The following NBPF19 variants were observed in gnomAD, a reference collection of about 807,000 sequenced individuals.
The protein encoded by NBPF19 is NBPF member 19, also known as NBPF family member NBPF19.
A neutral mutation model predicts 45.9 loss-of-function variants in NBPF19; 30 were observed. That is an observed-to-expected ratio of 0.65 (90% CI 0.49 to 0.89). The LOEUF is 0.89. Ranked by LOEUF, NBPF19 falls within the 40% of genes least tolerant of loss-of-function variation. NBPF19 has a pLI of 0.00. For missense variants in NBPF19, 495 were observed against 471.8 expected, an observed-to-expected ratio of 1.05 and a Z score of -0.46; for synonymous variants, 183 against 181.2, an observed-to-expected ratio of 1.01 and a Z score of -0.08.
At chr1:149,479,540 G>A (rs2085045761) in intron 4 of NBPF19, among the ~76,000 whole-genome samples, 1 of 148,974 alleles carries the variant, frequency 6.7e-6, no homozygotes, top group East Asian at 2.0e-4. Context: ...AGGGTCTGAA[G>A]CATCCAAATA....
chr1:149,488,348 C>T lies in NBPF19; in HGVS notation c.1213+163C>T, dbSNP rs1450398740. 2.4e-3 allele frequency among the ~76,000 whole-genome samples: 347 copies of T among 141,868 alleles called. 15 individuals are homozygous for T. The highest frequency in any genetic ancestry group is 4.2e-3 in the Non-Finnish European group (274 of 65,696). The allele number at this position is 141,868 out of a possible 152,430, so 93.1% of individuals were successfully genotyped here. On this transcript the variant is annotated intron_variant, in intron 10 of 93. Transcript: ENST00000651566. Reference sequence around the variant, plus strand: ...GAAACTCTAGTTCCACTTGGCAGCCCAGACAAGGGATGGTTCAGTGAGCAA... The same window carrying T: ...GAAACTCTAGTTCCACTTGGCAGCCTAGACAAGGGATGGTTCAGTGAGCAA...
intron 5 of NBPF19, 110 bp downstream of exon 5, chr1:149,480,324 C>A: frequency 1.4e-6 from 1 of 719,908 alleles, no homozygotes; most frequent in East Asian, 2.5e-5. Context: ...ATTCGCTTGG[C>A]CACAGTATGT....
intron 9 of NBPF19, 64 bp from the exon 10 acceptor site, chr1:149,487,949 T>C (rs2085712542): frequency 5.7e-6 from 4 of 707,624 alleles, no homozygotes; most frequent in Non-Finnish European, 1.0e-5. Context: ...CCATGAAATC[T>C]AGCTGGGGCT....
Position 149,486,301 on chromosome 1 carries a change from C to T in NBPF19, c.988+8C>T, listed in dbSNP as rs1226897199. On this transcript the variant is annotated splice_region_variant and intron_variant, in intron 8 of 93. Coordinates refer to ENST00000651566, the MANE Select transcript of NBPF19 (RefSeq NM_001351365.2). The stretch of plus-strand genomic sequence containing the variant: ...TGGCTGTTGACATAGGCAGTGAGTA[C>T]TCCATTGTGAAGGTGATAAAGCTCC... 5.0e-6 allele frequency: 3 copies of T among 594,220 alleles called. No individual in the cohort carries two copies. The highest frequency in any genetic ancestry group is 6.0e-6 in the Non-Finnish European group (2 of 335,496). The allele number at this position is 594,220 out of a possible 1,614,324, so 36.8% of individuals were successfully genotyped here.
At chr1:149,490,995 T>C in intron 13 of NBPF19, 144 bp from the exon 14 acceptor site, 2 of 512,342 alleles carry the variant, frequency 3.9e-6, no homozygotes. Flanking sequence ...TGTCCCAACA[T>C]GAAGGCAATA....
intron 8 of NBPF19, among the ~76,000 whole-genome samples, chr1:149,486,849 T>C (rs1241809904): frequency 6.6e-6 from 1 of 150,548 alleles, no homozygotes; most frequent in Non-Finnish European, 1.5e-5. Flanking sequence ...GATAAATGGC[T>C]GACTTTTCAC....
Position 149,554,606 on chromosome 1 carries a change from C to T in NBPF19, c.11400C>T (p.His3800=). 4 of 1,608,324 alleles carry T rather than the reference C, an allele frequency of 2.5e-6. No homozygotes were observed. The highest frequency in any genetic ancestry group is 2.2e-5 in the East Asian group (1 of 44,848). Reference sequence around the variant, plus strand: ...TTGAACTACCTGACTCATTCCAGCACTACAGAAGTGTGTTTTACTCATTTG... The same window carrying T: ...TTGAACTACCTGACTCATTCCAGCATTACAGAAGTGTGTTTTACTCATTTG... ...MYFELPDSFQ[H]YRSVFYSFEE... The change falls in exon 94 of 94, where the codon CAC becomes CAT. Residue 3800 remains histidine, a synonymous_variant. Coordinates refer to ENST00000651566, the MANE Select transcript of NBPF19 (RefSeq NM_001351365.2).
In NBPF19 at chr1:149,488,088, T is replaced by G; in HGVS notation, c.1116T>G (p.Pro372=). Residue 372 remains proline (P), a synonymous_variant, in exon 10 of 94, where the codon CCT becomes CCG. Coordinates refer to ENST00000651566, the MANE Select transcript of NBPF19 (RefSeq NM_001351365.2). ...CACTGGATAGATGTTATTCAACTCC[T>G]TCAGGTTGTCTTGAACTGACTGACT... is the stretch of plus-strand genomic sequence containing the variant. The part of the protein sequence containing the change: ...QDSLDRCYST[P]SGCLELTDSC... 2.1e-5 allele frequency: 14 copies of G among 666,588 alleles called. No homozygotes were observed. In the South Asian group the frequency reaches 2.3e-4, roughly 11 times the overall value. The allele number at this position is 666,588 out of a possible 1,614,324, so 41.3% of individuals were successfully genotyped here.
At chr1:149,487,275 G>C (rs1416412243) in intron 8 of NBPF19, 57 bp from the exon 9 acceptor site, 8 of 1,275,788 alleles carry the variant, frequency 6.3e-6, no homozygotes, top group Admixed American at 5.0e-5. Context: ...ACAGAGGAAT[G>C]TTTCTGTGTG....
At chr1:149,554,238 G>A (rs1191319898) in intron 93 of NBPF19, among the ~76,000 whole-genome samples, 23 of 151,734 alleles carry the variant, frequency 1.5e-4, no homozygotes, top group African/African-American at 5.3e-4. Flanking sequence ...TTACCAGTAT[G>A]TCACCTGGCC....
chr1:149,486,422 G>A (rs2085501734), intron 8 of NBPF19, 129 bp downstream of exon 8: 1 of 680,974 alleles, frequency 1.5e-6, no homozygotes, highest in East Asian at 2.7e-5. Flanking sequence ...ATATATCAAT[G>A]TAGATTTCAG....
chr1:149,521,119 T>C (rs2086718239), intron 51 of NBPF19, among the ~76,000 whole-genome samples, 200 bp from the exon 52 acceptor site: 4 of 83,880 alleles, frequency 4.8e-5, no homozygotes, highest in Admixed American at 3.8e-4. Context: ...TCTCTCTCTC[T>C]CTCTCTCTGT....
chr1:149,481,131 AG>A (rs2085150347), intron 6 of NBPF19, among the ~76,000 whole-genome samples: 1 of 135,404 alleles, frequency 7.4e-6, no homozygotes, highest in Non-Finnish European at 1.6e-5. Flanking sequence ...GGAGGTGCAC[AG>A]GCAGTATCTG....
Position 149,554,482 on chromosome 1 carries a change from T to C in NBPF19, c.11289-13T>C. ...TTCCCTGGCTGCTTCTTTAGTTTTG[T>C]CTCCTTTTCCAGGCTCAACAGCGTG... is the stretch of plus-strand genomic sequence containing the variant. On this transcript the variant is annotated splice_polypyrimidine_tract_variant and intron_variant, in intron 93 of 93. Coordinates refer to ENST00000651566, the MANE Select transcript of NBPF19 (RefSeq NM_001351365.2). The C allele has an allele frequency of 1.2e-6, 2 of 1,608,258 alleles. No homozygotes were observed. The highest frequency in any genetic ancestry group is 1.1e-5 in the South Asian group (1 of 90,886).
Position 149,488,279 on chromosome 1 carries a change from T to A in NBPF19, c.1213+94T>A, listed in dbSNP as rs1459185697. On this transcript the variant is annotated intron_variant, in intron 10 of 93. Coordinates refer to ENST00000651566, the MANE Select transcript of NBPF19 (RefSeq NM_001351365.2). ...AAGTGGCCCTTACTGAGCTGAGAGA[T>A]GTCATTGCCACAGGGAGGACCTATA... is the stretch of plus-strand genomic sequence containing the variant. 8.9e-5 allele frequency: 51 copies of A among 570,252 alleles called. 3 individuals are homozygous for A. In the Admixed American group the frequency reaches 1.6e-3, roughly 18 times the overall value. 35.3% of individuals were successfully genotyped at this position (570,252 alleles called of 1,614,324 possible).
In NBPF19 at chr1:149,515,116, C is replaced by G; in HGVS notation, c.5323+8C>G. The G allele has an allele frequency of 1.0e-6, 1 of 961,372 alleles. No homozygotes were observed. Among genetic ancestry groups the G allele is most frequent in the Non-Finnish European group, 1.6e-6 (1 of 620,556 alleles). The allele number at this position is 961,372 out of a possible 1,614,324, so 59.6% of individuals were successfully genotyped here. A position where few individuals can be genotyped will look rare whatever the true frequency, so the allele number is the denominator to read the frequency against. ...TTTCTCTTGACGTGGGAGGTGAGTA[C>G]CTTTCTATGAAGGTGATAAGCACCA... is the stretch of plus-strand genomic sequence containing the variant. On this transcript the variant is annotated splice_region_variant and intron_variant, in intron 44 of 93. Coordinates refer to ENST00000651566, the MANE Select transcript of NBPF19 (RefSeq NM_001351365.2).
chr1:149,490,924 G>C (rs1205734053), intron 13 of NBPF19, among the ~76,000 whole-genome samples: 3 of 131,588 alleles, frequency 2.3e-5, no homozygotes, highest in Admixed American at 7.8e-5. Flanking sequence ...GTGTGTGCGT[G>C]TGTGTGTGTG....
rs2087217427 is a variant in NBPF19, at chr1:149,555,147, T to A, written c.*409T>A. ...GTTTCAATGAACCTAACCTCATTCTTTGTGTCTTCAGTGTTGGCTTGTTTT... is the reference window on the plus strand; with the variant it reads ...GTTTCAATGAACCTAACCTCATTCTATGTGTCTTCAGTGTTGGCTTGTTTT... On this transcript the variant is annotated 3_prime_UTR_variant, in exon 94 of 94. Coordinates refer to ENST00000651566, the MANE Select transcript of NBPF19 (RefSeq NM_001351365.2). 2 of 244,000 alleles carry A rather than the reference T, an allele frequency of 8.2e-6. No homozygotes were observed. The highest frequency in any genetic ancestry group is 4.6e-5 in the African/African-American group (2 of 43,750). 15.1% of individuals were successfully genotyped at this position (244,000 alleles called of 1,614,324 possible).
At position 149,477,947 on chromosome 1, in the gene NBPF19, T is replaced by C. The variant is rs1355984145; in HGVS notation, c.178T>C (p.Tyr60His). 653 of 1,344,944 alleles carry C rather than the reference T, an allele frequency of 4.9e-4. 19 individuals carry two copies. In the East Asian group the frequency reaches 0.013, roughly 28 times the overall value. 83.3% of individuals were successfully genotyped at this position (1,344,944 alleles called of 1,614,324 possible). ...FLANRQKKYKYEECKDLIKFM... is the reference protein window; with the variant it reads ...FLANRQKKYKHEECKDLIKFM... ...CAGGCGTGTCTGTCTTTTCTCAGAG[T>C]ATGAAGAGTGTAAAGACCTCATAAA... Residue 60 changes from tyrosine to histidine, a missense_variant and splice_region_variant, in exon 3 of 94, where the codon TAT becomes CAT. Tyr to His is a moderately conservative substitution (Grantham distance 83). This residue lies in a region of NBPF19 where 69 missense variants were observed against 87.8 expected (regional missense o/e 0.79). Transcript: ENST00000651566.
Sources: gnomAD v4.1 joint callset for allele counts (sites outside exome capture counted in the v4.1 genomes callset) on GRCh38, gnomAD v4.1.1 for gene constraint, gnomAD v4.1.1 regional missense constraint, MANE v1.5 for transcripts, NCBI Gene and HGNC (gene_info 2026-07-23, HGNC 2026-07-21) for gene names.